The following WASHC4 variants were observed in gnomAD, a reference collection of about 807,000 sequenced individuals.
WASHC4 encodes WASH complex subunit 7.
WASHC4 carries 86 observed loss-of-function variants against 166.6 expected under a neutral mutation model. That is an observed-to-expected ratio of 0.52 (90% CI 0.43 to 0.62). The LOEUF is 0.62. Among genes scored for constraint, WASHC4 ranks in the 20% least tolerant of loss-of-function variants. The pLI is 0.00. For missense variants in WASHC4, 1,262 were observed against 1,382.4 expected (o/e 0.91, Z 1.38); for synonymous variants, 446 against 451.6 (o/e 0.99, Z 0.16).
chr12:105,115,322 A>T, intron 5 of WASHC4, 93 bp downstream of exon 5: 1 of 827,784 alleles, frequency 1.2e-6, no homozygotes, highest in South Asian at 1.5e-5. Flanking sequence ...ATTATATAAT[A>T]GTGTGAGAAA....
At chr12:105,144,618 C>A in intron 21 of WASHC4, 100 bp from the exon 22 acceptor site, 1 of 1,194,050 alleles carries the variant, frequency 8.4e-7, no homozygotes, top group Non-Finnish European at 1.2e-6. Context: ...TTTAAAGGAA[C>A]AAATCTGATG....
At chr12:105,157,411 CTG>C (rs1884240009) in intron 28 of WASHC4, 89 bp downstream of exon 28, 8 of 736,794 alleles carry the variant, frequency 1.1e-5, no homozygotes. Context: ...TTTTATGCCA[CTG>C]TTTTTATTAT....
Position 105,114,258 on chromosome 12 carries a change from A to T in WASHC4, c.244A>T (p.Thr82Ser). The change falls in exon 3 of 33, where the codon ACT becomes TCT. Residue 82 changes from threonine (T) to serine (S), a missense_variant. Coordinates refer to ENST00000332180, the MANE Select transcript of WASHC4 (RefSeq NM_015275.3). ...EQSSLLELIK[T>S]ENKVLNKVIT... ...GTCCTCTCTTTTGGAACTCATAAAG[A>T]CTGAAAACAAGGTACAGAATCCTAA... 1 of 1,610,208 alleles carries T rather than the reference A, an allele frequency of 6.2e-7. No homozygotes were observed. Among genetic ancestry groups the T allele is most frequent in the Non-Finnish European group, 8.5e-7 (1 of 1,177,580 alleles).
chr12:105,164,294 A>C lies in WASHC4; in HGVS notation c.3341A>C (p.Asp1114Ala). The change falls in exon 31 of 33, where the codon GAT (aspartate) becomes GCT (alanine). Residue 1114 changes from aspartate to alanine, a missense_variant. Asp to Ala is a moderately radical substitution (Grantham distance 126). Coordinates refer to ENST00000332180, the MANE Select transcript of WASHC4 (RefSeq NM_015275.3). ...QTMNLTQKRL[D>A]VYLQEFELLY... ...ATGAATCTCACTCAGAAGCGACTGG[A>C]TGTCTATCTACAGGTAGAGAGGAGC... 6.2e-7 allele frequency: 1 copy of C among 1,613,730 alleles called. No homozygotes were observed. Among genetic ancestry groups the C allele is most frequent in the Non-Finnish European group, 8.5e-7 (1 of 1,179,706 alleles).
At chr12:105,127,355 CACTT>C (rs1407305287) in intron 13 of WASHC4, 66 bp downstream of exon 13, 2 of 1,092,370 alleles carry the variant, frequency 1.8e-6, no homozygotes, top group Non-Finnish European at 2.8e-6. Context: ...ATTATACTAA[CACTT>C]AATGTATAGT....
chr12:105,112,873 A>G (rs1423600407), intron 2 of WASHC4, among the ~76,000 whole-genome samples: 2 of 152,322 alleles, frequency 1.3e-5, no homozygotes, highest in Middle Eastern at 3.4e-3. Context: ...AAAGTTAAGT[A>G]ACTTAGTCAA....
rs3830658 is a variant in WASHC4 at position 105,152,079 on chromosome 12, AG to A, written c.2650-263del. Among the ~76,000 whole-genome samples, 8 of 152,158 alleles carry A rather than the reference AG, an allele frequency of 5.3e-5. No homozygotes were observed. In the East Asian group the frequency reaches 1.5e-3, roughly 29 times the overall value. Reference sequence around the variant, plus strand: ...GGAATTGGTTTCTTTTTTCTGTTAGAGTTGTTGGAGGTTAGGAGACTAATAA... The same window carrying A: ...GGAATTGGTTTCTTTTTTCTGTTAGATTGTTGGAGGTTAGGAGACTAATAA... On this transcript the variant is annotated intron_variant, in intron 25 of 32. Transcript: ENST00000332180.
At chr12:105,131,209 C>T (rs1439261817) in intron 13 of WASHC4, among the ~76,000 whole-genome samples, 1 of 150,978 alleles carries the variant, frequency 6.6e-6, no homozygotes, top group Non-Finnish European at 1.5e-5. Context: ...GCCTCAGCCT[C>T]CCGAGTAGCT....
At chr12:105,148,669 G>A (rs984421827) in intron 24 of WASHC4, 1 of 985,300 alleles carries the variant, frequency 1.0e-6, no homozygotes, top group African/African-American at 1.7e-5. Flanking sequence ...TACAAGATAA[G>A]TTCCCGAAAA....
intron 13 of WASHC4, among the ~76,000 whole-genome samples, chr12:105,129,081 G>A (rs771904516): frequency 1.1e-4 from 16 of 151,982 alleles, no homozygotes; most frequent in South Asian, 2.1e-4. Flanking sequence ...GAGTAGCTGG[G>A]ATTACAGGCA....
intron 2 of WASHC4, among the ~76,000 whole-genome samples, chr12:105,113,454 C>A (rs1424627668): frequency 6.6e-6 from 1 of 152,026 alleles, no homozygotes; most frequent in Non-Finnish European, 1.5e-5. Flanking sequence ...CAGACTCCAT[C>A]TCCGCAGTTG....
chr12:105,163,677 A>AT (rs1884639046), intron 30 of WASHC4, among the ~76,000 whole-genome samples: 1 of 151,766 alleles, frequency 6.6e-6, no homozygotes, highest in Non-Finnish European at 1.5e-5. Flanking sequence ...AATTAAAAAA[A>AT]TTTTTGTTTT....
chr12:105,108,959 G>A (rs1879369215), intron 1 of WASHC4, among the ~76,000 whole-genome samples: 2 of 152,156 alleles, frequency 1.3e-5, no homozygotes, highest in African/African-American at 4.8e-5. Flanking sequence ...GGCTAACATG[G>A]TGAAACCCCG....
chr12:105,156,514 ATATAGT>A (rs770310174), intron 26 of WASHC4: 81 of 274,632 alleles, frequency 2.9e-4, no homozygotes, highest in Middle Eastern at 2.4e-3. Context: ...TAAATATTTA[ATATAGT>A]TATATATAAG....
At chr12:105,123,704 T>G (rs1309727283) in intron 10 of WASHC4, among the ~76,000 whole-genome samples, 1 of 152,220 alleles carries the variant, frequency 6.6e-6, no homozygotes, top group Non-Finnish European at 1.5e-5. Flanking sequence ...TAGAAGCCAG[T>G]AAGTTATCCA....
chr12:105,141,252 T>C lies in WASHC4; in HGVS notation c.1787+6T>C, dbSNP rs1882822476. 1.3e-6 allele frequency: 2 copies of C among 1,573,808 alleles called. No homozygotes were observed. The highest frequency in any genetic ancestry group is 1.7e-6 in the Non-Finnish European group (2 of 1,143,472). The stretch of plus-strand genomic sequence containing the variant: ...ATTAGTGAACTTAGAGAACGGTAAG[T>C]AGGACTGGGATATGCTGTGGTACTC... On this transcript the variant is annotated splice_donor_region_variant and intron_variant, in intron 18 of 32. Coordinates refer to ENST00000332180, the MANE Select transcript of WASHC4 (RefSeq NM_015275.3).
chr12:105,165,148 A>G (rs1884730812), intron 32 of WASHC4, among the ~76,000 whole-genome samples: 1 of 152,230 alleles, frequency 6.6e-6, no homozygotes, highest in Non-Finnish European at 1.5e-5. Context: ...AAAGAACTGT[A>G]AAATCATAGG....
chr12:105,144,270 A>G lies in WASHC4; in HGVS notation c.2011-17A>G. 2.5e-6 allele frequency: 4 copies of G among 1,604,738 alleles called. No individual in the cohort carries two copies. Among genetic ancestry groups the G allele is most frequent in the Middle Eastern group, 1.7e-4 (1 of 6,036 alleles). ...TATCATTTTGAAAAATTAAAGTATC[A>G]AATCTTTTGTGAATAGCATTTGCTG... On this transcript the variant is annotated splice_polypyrimidine_tract_variant and intron_variant, in intron 20 of 32. Coordinates refer to ENST00000332180, the MANE Select transcript of WASHC4 (RefSeq NM_015275.3).
chr12:105,148,807 A>T, intron 24 of WASHC4: 1 of 984,986 alleles, frequency 1.0e-6, no homozygotes. Context: ...GTAGGTTGGA[A>T]TTAATCTTAT....
Sources: allele counts gnomAD v4.1 joint callset (sites outside exome capture counted in the v4.1 genomes callset), GRCh38; gene constraint gnomAD v4.1.1; transcripts MANE v1.5; gene names NCBI Gene and HGNC (gene_info 2026-07-23, HGNC 2026-07-21).